The following KPNA1 variants were observed in gnomAD, a reference collection of about 807,000 sequenced individuals.
The protein encoded by KPNA1 is karyopherin subunit alpha 1.
A neutral mutation model predicts 70.5 loss-of-function variants in KPNA1; 10 were observed. The ratio of observed to expected loss-of-function variants is 0.14; its 90% CI spans 0.09 to 0.24. The LOEUF (loss-of-function observed/expected upper bound fraction) is 0.24. Ranked by LOEUF, KPNA1 falls within the 10% of genes least tolerant of loss-of-function variation. The probability of loss-of-function intolerance (pLI) is 1.00; values close to 1 mark genes in which losing one functional copy is unlikely to be tolerated. For synonymous variants in KPNA1, 192 were observed against 221.9 expected (o/e 0.87, Z 1.20); for missense variants, 397 against 637.9 (o/e 0.62, Z 4.07).
chr3:122,427,736 T>C lies in KPNA1; in HGVS notation c.1251-20A>G, dbSNP rs1166302981. ...AGGTACCTAAATACAAAGAATAATG[T>C]AGTCAAACAAAACTTTTAATTTTGT... is the stretch of plus-strand genomic sequence containing the variant. On this transcript the variant is annotated intron_variant, in intron 12 of 13. Transcript: ENST00000344337. The C allele has an allele frequency of 3.4e-6, 5 of 1,486,210 alleles. No individual in the cohort carries two copies. The highest frequency in any genetic ancestry group is 4.5e-6 in the Non-Finnish European group (5 of 1,107,002). 92.1% of individuals were successfully genotyped at this position (1,486,210 alleles called of 1,614,324 possible).
At chr3:122,443,786 G>A (rs368465808) in intron 9 of KPNA1, among the ~76,000 whole-genome samples, 3 of 152,214 alleles carry the variant, frequency 2.0e-5, no homozygotes, top group South Asian at 2.1e-4. Flanking sequence ...TGCTTCAAAA[G>A]GCAATAAAAT....
At chr3:122,449,471 TA>T in intron 9 of KPNA1, 102 bp downstream of exon 9, 1 of 934,480 alleles carries the variant, frequency 1.1e-6, no homozygotes, top group Non-Finnish European at 1.6e-6. Context: ...CAAAGCACAA[TA>T]AATCAATTAT....
chr3:122,440,351 T>C (rs920856830), intron 10 of KPNA1, among the ~76,000 whole-genome samples: 4 of 152,090 alleles, frequency 2.6e-5, no homozygotes, highest in African/African-American at 9.7e-5. Context: ...AATGTGGATA[T>C]GTGTGAGGTG....
In KPNA1 at chr3:122,424,015, A is replaced by G. The variant is rs576170728; in HGVS notation, c.*2970T>C. On this transcript the variant is annotated 3_prime_UTR_variant, in exon 14 of 14. Transcript: ENST00000344337. ...CTAAAATCTCTTTCTTCTATCATCTACCTTACCCAAAATTTCTCAATCCAA... is the reference window on the plus strand; with the variant it reads ...CTAAAATCTCTTTCTTCTATCATCTGCCTTACCCAAAATTTCTCAATCCAA... The G allele has an allele frequency of 6.6e-5, 10 of 152,266 alleles. No individual in the cohort carries two copies. Among genetic ancestry groups the G allele is most frequent in the Non-Finnish European group, 1.2e-4 (8 of 68,010 alleles). 9.4% of individuals were successfully genotyped at this position (152,266 alleles called of 1,614,324 possible).
intron 2 of KPNA1, among the ~76,000 whole-genome samples, chr3:122,488,285 C>T (rs1576334927): frequency 6.6e-6 from 1 of 152,118 alleles, no homozygotes; most frequent in East Asian, 1.9e-4. Flanking sequence ...CTTTGGGAAG[C>T]CAAGGCAGGA....
intron 2 of KPNA1, among the ~76,000 whole-genome samples, chr3:122,481,674 G>A (rs931832438): frequency 1.3e-5 from 2 of 152,222 alleles, no homozygotes; most frequent in African/African-American, 4.8e-5. Context: ...GAATTGTACA[G>A]CGTGTGAATT....
intron 8 of KPNA1, among the ~76,000 whole-genome samples, chr3:122,450,860 C>T (rs1251197380): frequency 6.6e-6 from 1 of 152,140 alleles, no homozygotes; most frequent in African/African-American, 2.4e-5. Flanking sequence ...GCCCAAATGC[C>T]CATCAATCAA....
At chr3:122,489,282 T>C (rs1050135708) in intron 2 of KPNA1, among the ~76,000 whole-genome samples, 1 of 92,032 alleles carries the variant, frequency 1.1e-5, no homozygotes, top group Non-Finnish European at 2.8e-5. Flanking sequence ...TTTTACTTTG[T>C]TTGTTTTTTT....
chr3:122,459,724 T>C, intron 5 of KPNA1: 1 of 985,496 alleles, frequency 1.0e-6, no homozygotes, highest in South Asian at 4.7e-5. Context: ...TGGGAACTGG[T>C]AAGTGTCAAA....
Position 122,423,889 on chromosome 3 carries a change from T to A in KPNA1, c.*3096A>T, listed in dbSNP as rs2075787743. The A allele has an allele frequency of 6.6e-6, 1 of 152,308 alleles. No homozygotes were observed. The highest frequency in any genetic ancestry group is 2.4e-5 in the African/African-American group (1 of 41,434). The allele number at this position is 152,308 out of a possible 1,614,324, so 9.4% of individuals were successfully genotyped here. A position where few individuals can be genotyped will look rare whatever the true frequency, so the allele number is the denominator to read the frequency against. ...GGAAGAAACAATCCTAGGGCAATAG[T>A]TTTTTCAAAAGCGGAACTGACAAAG... On this transcript the variant is annotated 3_prime_UTR_variant, in exon 14 of 14. Coordinates refer to ENST00000344337, the MANE Select transcript of KPNA1 (RefSeq NM_002264.4).
chr3:122,492,824 T>C (rs2076715142), intron 2 of KPNA1, among the ~76,000 whole-genome samples: 1 of 152,232 alleles, frequency 6.6e-6, no homozygotes, highest in Non-Finnish European at 1.5e-5. Flanking sequence ...TATTATTCTT[T>C]ACGGCAATGG....
intron 2 of KPNA1, among the ~76,000 whole-genome samples, chr3:122,486,004 C>G (rs1252049754): frequency 6.6e-6 from 1 of 152,106 alleles, no homozygotes; most frequent in African/African-American, 2.4e-5. Context: ...TGATGTGCAG[C>G]AACTCAAACT....
Position 122,451,481 on chromosome 3 carries a change from A to G in KPNA1, c.753+53T>C, listed in dbSNP as rs150213732. Reference sequence around the variant, plus strand: ...CCTGTTCACCTTACCATTGGTTGCAATACTCTTTTAATTGTATTTTTTCTG... The same window carrying G: ...CCTGTTCACCTTACCATTGGTTGCAGTACTCTTTTAATTGTATTTTTTCTG... On this transcript the variant is annotated intron_variant, in intron 8 of 13. Transcript: ENST00000344337. 64 of 955,106 alleles carry G rather than the reference A, an allele frequency of 6.7e-5. 1 individual carries two copies. In the African/African-American group the frequency reaches 8.5e-4, roughly 13 times the overall value. The allele number at this position is 955,106 out of a possible 1,614,324, so 59.2% of individuals were successfully genotyped here.
At chr3:122,437,784 A>C (rs1310213099) in intron 10 of KPNA1, among the ~76,000 whole-genome samples, 1 of 152,194 alleles carries the variant, frequency 6.6e-6, no homozygotes, top group East Asian at 1.9e-4. Flanking sequence ...AGGAGGTAAC[A>C]CAAATACACA....
intron 4 of KPNA1, among the ~76,000 whole-genome samples, chr3:122,463,282 C>T (rs915165479): frequency 9.3e-5 from 14 of 150,786 alleles, no homozygotes; most frequent in East Asian, 2.0e-4. Flanking sequence ...CGGGAGGCGG[C>T]GCTTGCAGTG....
At chr3:122,498,624 G>A (rs189653362) in intron 1 of KPNA1, among the ~76,000 whole-genome samples, 459 of 152,198 alleles carry the variant, frequency 3.0e-3, no homozygotes, top group Middle Eastern at 6.8e-3. Context: ...GTATCCCTGT[G>A]TCAGCCCCAC....
chr3:122,477,897 C>T (rs919367785), intron 2 of KPNA1, among the ~76,000 whole-genome samples: 1 of 150,898 alleles, frequency 6.6e-6, no homozygotes, highest in African/African-American at 2.4e-5. Flanking sequence ...CGTGCAATGG[C>T]TCATGCCTGA....
chr3:122,435,815 A>G (rs901074711), intron 11 of KPNA1, among the ~76,000 whole-genome samples: 3 of 152,176 alleles, frequency 2.0e-5, no homozygotes, highest in Admixed American at 6.5e-5. Context: ...CGTCATCTTC[A>G]TTAAGCTGAG....
intron 1 of KPNA1, among the ~76,000 whole-genome samples, chr3:122,512,640 G>C (rs2076967844): frequency 1.3e-5 from 2 of 152,192 alleles, no homozygotes. Flanking sequence ...CAGGAGAACT[G>C]CTTGAACCAG....
Sources: allele counts gnomAD v4.1 joint callset (sites outside exome capture counted in the v4.1 genomes callset), GRCh38; gene constraint gnomAD v4.1.1; transcripts MANE v1.5; gene names NCBI Gene and HGNC (gene_info 2026-07-23, HGNC 2026-07-21).